Variants in STXBP4 observed in about 807,000 individuals in gnomAD.
STXBP4 encodes syntaxin-binding protein 4.
In STXBP4, 55 loss-of-function variants were observed where a neutral mutation model predicts 76.1. That is an observed-to-expected ratio of 0.72 (90% CI 0.58 to 0.91). The LOEUF (loss-of-function observed/expected upper bound fraction) is 0.91. Ranked by LOEUF, STXBP4 falls within the 40% of genes least tolerant of loss-of-function variation. STXBP4 has a pLI of 0.00. For synonymous variants in STXBP4, 201 were observed against 220.2 expected (o/e 0.91, Z 0.77); for missense variants, 618 against 636.9 (o/e 0.97, Z 0.32).
the STXBP4 span, among the ~76,000 whole-genome samples, chr17:55,191,836 C>G: frequency 6.6e-6 from 1 of 152,146 alleles, no homozygotes; most frequent in Non-Finnish European, 1.5e-5. Flanking sequence ...CTCAGTCAAA[C>G]AAGGCTTCCC....
chr17:55,034,293 T>A (rs925432734), intron 10 of STXBP4, 34 bp downstream of exon 10: 34 of 1,477,808 alleles, frequency 2.3e-5, no homozygotes, highest in Non-Finnish European at 3.1e-5. Flanking sequence ...CTTTGACATG[T>A]ATAAGTCACA....
chr17:55,211,985 A>AT, the STXBP4 span, among the ~76,000 whole-genome samples: 648 of 130,356 alleles, frequency 5.0e-3, 8 homozygotes, highest in East Asian at 0.046. Flanking sequence ...TAATTTTTGT[A>AT]TTTTTTTTTT....
At chr17:55,108,650 G>A (rs2079668411) in intron 16 of STXBP4, among the ~76,000 whole-genome samples, 1 of 152,284 alleles carries the variant, frequency 6.6e-6, no homozygotes, top group Admixed American at 6.5e-5. Context: ...GGCTTTCCTT[G>A]GATAGGGGAG....
chr17:55,207,326 T>A, the STXBP4 span, among the ~76,000 whole-genome samples: 1 of 151,882 alleles, frequency 6.6e-6, no homozygotes, highest in Non-Finnish European at 1.5e-5. Flanking sequence ...ACAGACACAC[T>A]CGAGGCTCCC....
chr17:55,204,492 TTG>T, the STXBP4 span, among the ~76,000 whole-genome samples: 1 of 152,122 alleles, frequency 6.6e-6, no homozygotes, highest in Non-Finnish European at 1.5e-5. Context: ...ACTCTAAATA[TTG>T]TGTGTAAAAA....
intron 8 of STXBP4, among the ~76,000 whole-genome samples, chr17:55,008,157 G>T (rs1341690408): frequency 1.3e-5 from 2 of 150,924 alleles, no homozygotes; most frequent in East Asian, 1.9e-4. Context: ...AGGCAGAAAA[G>T]CACTCGAAAG....
intron 16 of STXBP4, among the ~76,000 whole-genome samples, chr17:55,085,755 C>A (rs968898268): frequency 6.6e-6 from 1 of 152,090 alleles, no homozygotes; most frequent in Non-Finnish European, 1.5e-5. Flanking sequence ...TCTGATTTCA[C>A]AACTGTGTTA....
chr17:55,035,928 A>T (rs1183596798), intron 10 of STXBP4, among the ~76,000 whole-genome samples: 1 of 151,990 alleles, frequency 6.6e-6, no homozygotes, highest in Non-Finnish European at 1.5e-5. Context: ...GTACAATATG[A>T]CTTAGAATGT....
chr17:55,137,134 C>A (rs2145138936), intron 16 of STXBP4, among the ~76,000 whole-genome samples: 1 of 152,144 alleles, frequency 6.6e-6, no homozygotes, highest in South Asian at 2.1e-4. Context: ...ATTCAACTTG[C>A]AATTGAAGAA....
chr17:55,010,459 T>C (rs897065301), intron 8 of STXBP4, among the ~76,000 whole-genome samples: 50 of 152,160 alleles, frequency 3.3e-4, no homozygotes, highest in Admixed American at 3.2e-3. Context: ...AATATACAGA[T>C]ATTTTAATGT....
At chr17:55,018,426 A>G (rs2078247501) in intron 8 of STXBP4, among the ~76,000 whole-genome samples, 1 of 152,186 alleles carries the variant, frequency 6.6e-6, no homozygotes, top group Admixed American at 6.5e-5. Context: ...AGACCAGAAG[A>G]GTACAGTTGC....
At chr17:55,085,488 T>G (rs988323963) in intron 16 of STXBP4, among the ~76,000 whole-genome samples, 13 of 152,048 alleles carry the variant, frequency 8.5e-5, no homozygotes, top group Admixed American at 2.0e-4. Context: ...TTTTGGTTGT[T>G]TTTCTGTCTC....
At chr17:55,055,323 A>G (rs536875297) in intron 12 of STXBP4, among the ~76,000 whole-genome samples, 1 of 152,150 alleles carries the variant, frequency 6.6e-6, no homozygotes, top group African/African-American at 2.4e-5. Context: ...AAAATGAACA[A>G]CTGTCTCCAC....
the STXBP4 span, among the ~76,000 whole-genome samples, chr17:55,198,483 A>AG: frequency 2.6e-5 from 4 of 152,218 alleles, no homozygotes; most frequent in African/African-American, 9.6e-5. Flanking sequence ...CTTTAAAAAA[A>AG]AAGTTTTATT....
chr17:55,021,666 G>A (rs527838874), intron 8 of STXBP4, among the ~76,000 whole-genome samples: 4 of 152,188 alleles, frequency 2.6e-5, no homozygotes, highest in Admixed American at 2.6e-4. Flanking sequence ...GTTTGTGGAT[G>A]TTATTGTTTA....
intron 11 of STXBP4, chr17:55,043,672 T>G (rs981614450): frequency 1.3e-6 from 2 of 1,548,522 alleles, no homozygotes; most frequent in Middle Eastern, 1.7e-4. Context: ...TTGGATCCTG[T>G]GAGTTCTTTG....
intron 1 of STXBP4, among the ~76,000 whole-genome samples, chr17:54,982,851 ACC>A (rs2077570025): frequency 6.6e-6 from 1 of 152,184 alleles, no homozygotes; most frequent in Admixed American, 6.5e-5. Flanking sequence ...ATAACACATT[ACC>A]ACTCCTTACT....
At chr17:55,035,667 A>G (rs781047191) in intron 10 of STXBP4, among the ~76,000 whole-genome samples, 18 of 151,906 alleles carry the variant, frequency 1.2e-4, no homozygotes, top group Non-Finnish European at 2.5e-4. Context: ...AATCTGACAT[A>G]ACTTTTGATC....
downstream of STXBP4, among the ~76,000 whole-genome samples, chr17:55,178,531 A>C (rs756926550): frequency 7.2e-5 from 11 of 152,244 alleles, no homozygotes; most frequent in Admixed American, 2.6e-4. Flanking sequence ...TGCCTGCTAT[A>C]CTGCAATCAC....
Sources: allele counts gnomAD v4.1 joint callset (sites outside exome capture counted in the v4.1 genomes callset), GRCh38; gene constraint gnomAD v4.1.1; transcripts MANE v1.5; gene names NCBI Gene and HGNC (gene_info 2026-07-23, HGNC 2026-07-21).